ASGR2: variants seen among roughly 807,000 people sequenced by gnomAD.
The protein encoded by ASGR2 is C-type lectin domain family 4 member H2.
Under a neutral mutation model 32.3 loss-of-function variants are expected in ASGR2, and 34 were observed. That is an observed-to-expected ratio of 1.05 (90% CI 0.80 to 1.40). The LOEUF is 1.40. ASGR2 is among the 40% of genes most tolerant of loss of function. ASGR2 has a pLI of 0.00. For missense variants in ASGR2, 385 were observed against 386.4 expected, an observed-to-expected ratio of 1.00 and a Z score of 0.03; for synonymous variants, 143 against 150.0, an observed-to-expected ratio of 0.95 and a Z score of 0.34.
intron 2 of ASGR2, 115 bp from the exon 3 acceptor site, chr17:7,109,003 TG>T (rs147076472): frequency 0.033 from 11,913 of 357,392 alleles, 159 homozygotes; most frequent in African/African-American, 0.054. Context: ...GTTGGGGCCA[TG>T]GGGGGGGGTC....
intron 2 of ASGR2, among the ~76,000 whole-genome samples, chr17:7,112,326 T>A (rs986457341): frequency 4.6e-5 from 7 of 151,500 alleles, no homozygotes; most frequent in Non-Finnish European, 1.0e-4. Context: ...CATGATGACG[T>A]TCCCCCAGCC....
chr17:7,114,504 G>A lies in ASGR2; in HGVS notation c.-71+111C>T, dbSNP rs1422068771. On this transcript the variant is annotated intron_variant, in intron 1 of 8. Transcript: ENST00000691900. The surrounding 1 kb of genome is among the most constrained non-coding windows in gnomAD (Gnocchi z 4.5). ...ACCTGGCCAGGAGACCCCTCCCCACGCTCATGGACCCGACCACCCACAGCT... is the reference window on the plus strand; with the variant it reads ...ACCTGGCCAGGAGACCCCTCCCCACACTCATGGACCCGACCACCCACAGCT... 8 of 1,295,598 alleles carry A rather than the reference G, an allele frequency of 6.2e-6. No homozygotes were observed. Among genetic ancestry groups the A allele is most frequent in the Admixed American group, 7.1e-5 (2 of 28,234 alleles). The allele number at this position is 1,295,598 out of a possible 1,614,324, so 80.3% of individuals were successfully genotyped here.
In ASGR2 at chr17:7,101,800, C is replaced by T. The variant is rs147980422; in HGVS notation, c.756-60G>A. On this transcript the variant is annotated intron_variant, in intron 8 of 8. Transcript: ENST00000691900. ...GGTGGTGAGAAAGCGACTTACCCATCCTCCTCCTCTTCATGACCATTTTCC... is the reference window on the plus strand; with the variant it reads ...GGTGGTGAGAAAGCGACTTACCCATTCTCCTCCTCTTCATGACCATTTTCC... The T allele has an allele frequency of 1.1e-3, 1,762 of 1,574,004 alleles. 6 individuals are homozygous for T. The African/African-American group carries it at 0.012, about 11-fold the overall frequency.
Position 7,107,422 on chromosome 17 carries a change from G to T in ASGR2, c.410-105C>A. On this transcript the variant is annotated intron_variant, in intron 5 of 8. Coordinates refer to ENST00000691900, the MANE Select transcript of ASGR2 (RefSeq NM_001201352.2). The surrounding 1 kb of genome is among the most constrained non-coding windows in gnomAD (Gnocchi z 5.0). ...ATACACCCACAGACACGTACACCATGCATAGACCACACCACACACCATACC... is the reference window on the plus strand; with the variant it reads ...ATACACCCACAGACACGTACACCATTCATAGACCACACCACACACCATACC... 8.6e-7 allele frequency: 1 copy of T among 1,158,370 alleles called. No individual in the cohort carries two copies. The highest frequency in any genetic ancestry group is 1.2e-6 in the Non-Finnish European group (1 of 802,978). The allele number at this position is 1,158,370 out of a possible 1,614,324, so 71.8% of individuals were successfully genotyped here. A position where few individuals can be genotyped will look rare whatever the true frequency, so the allele number is the denominator to read the frequency against.
intron 7 of ASGR2, among the ~76,000 whole-genome samples, chr17:7,104,975 CAAAA>C (rs58174053): frequency 4.7e-5 from 6 of 127,822 alleles, no homozygotes; most frequent in Non-Finnish European, 8.4e-5. Flanking sequence ...GACTCCATCT[CAAAA>C]AAAAAAAAAA....
intron 8 of ASGR2, 94 bp downstream of exon 8, chr17:7,101,996 T>C: frequency 7.7e-7 from 1 of 1,297,472 alleles, no homozygotes; most frequent in South Asian, 1.2e-5. Context: ...GGGAATTTGG[T>C]CCCTGAGGGA....
Position 7,114,586 on chromosome 17 carries a change from G to A in ASGR2, c.-71+29C>T, listed in dbSNP as rs542950667. On this transcript the variant is annotated intron_variant, in intron 1 of 8. Coordinates refer to ENST00000691900, the MANE Select transcript of ASGR2 (RefSeq NM_001201352.2). The surrounding 1 kb of genome is among the most constrained non-coding windows in gnomAD (Gnocchi z 4.5). ...GGCCTCCTTGTTCCCAAGCATCCTC[G>A]TCCCAGTTGCCTCCCCAGCCTCAGT... 5.2e-5 allele frequency: 57 copies of A among 1,086,468 alleles called. No individual in the cohort carries two copies. The African/African-American group carries it at 8.1e-4, about 15-fold the overall frequency. The allele number at this position is 1,086,468 out of a possible 1,614,324, so 67.3% of individuals were successfully genotyped here. A position where few individuals can be genotyped will look rare whatever the true frequency, so the allele number is the denominator to read the frequency against.
In ASGR2 at chr17:7,108,939, G is replaced by A. The variant is rs1914252680; in HGVS notation, c.125-51C>T. On this transcript the variant is annotated intron_variant, in intron 2 of 8. Coordinates refer to ENST00000691900, the MANE Select transcript of ASGR2 (RefSeq NM_001201352.2). This position sits in a 1 kb window ranked among gnomAD's most constrained non-coding sequence, Gnocchi z 4.9. ...GGCAGCCTGGGTGTGGGGAGCCGGA[G>A]GGTAAAGACAGGGCACCGAAGCCTG... The A allele has an allele frequency of 6.5e-7, 1 of 1,544,390 alleles. No homozygotes were observed. Among genetic ancestry groups the A allele is most frequent in the Non-Finnish European group, 8.7e-7 (1 of 1,143,848 alleles).
In ASGR2 at chr17:7,108,693, C is replaced by T. The variant is rs1356406655; in HGVS notation, c.241+79G>A. The T allele has an allele frequency of 8.1e-6, 13 of 1,609,970 alleles. No individual in the cohort carries two copies. The highest frequency in any genetic ancestry group is 5.0e-5 in the Admixed American group (3 of 59,884). ...CCGCCTCCATCCCTTCCCCTCCCAT[C>T]GCCCCGATCGCTGCCCGCCACTGCC... is the stretch of plus-strand genomic sequence containing the variant. On this transcript the variant is annotated intron_variant, in intron 3 of 8. Transcript: ENST00000691900. This position sits in a 1 kb window ranked among gnomAD's most constrained non-coding sequence, Gnocchi z 4.9.
chr17:7,105,725 C>A (rs1432582185), intron 7 of ASGR2, among the ~76,000 whole-genome samples: 1 of 151,986 alleles, frequency 6.6e-6, no homozygotes, highest in Non-Finnish European at 1.5e-5. Flanking sequence ...ATACCTTAAG[C>A]TTAGCTGCCC....
At chr17:7,101,761 TCGGACTCTGCCA>T (rs1157753696) in intron 8 of ASGR2, 21 bp from the exon 9 acceptor site, 6 of 1,609,960 alleles carry the variant, frequency 3.7e-6, no homozygotes, top group Non-Finnish European at 5.1e-6. Context: ...AAGAGAAAAC[TCGGACTCTGCCA>T]CGGTGGTGAG....
intron 2 of ASGR2, among the ~76,000 whole-genome samples, chr17:7,112,547 T>G (rs1376564837): frequency 6.6e-6 from 1 of 152,182 alleles, no homozygotes; most frequent in East Asian, 1.9e-4. Context: ...GAGTGTTCAC[T>G]ATGTACCGGG....
At chr17:7,104,881 C>G (rs575210289) in intron 7 of ASGR2, among the ~76,000 whole-genome samples, 36 of 150,634 alleles carry the variant, frequency 2.4e-4, no homozygotes, top group African/African-American at 7.6e-4. Context: ...GATACTAAGA[C>G]AGGAGAATTG....
At chr17:7,112,509 A>T (rs1285095276) in intron 2 of ASGR2, among the ~76,000 whole-genome samples, 1 of 152,154 alleles carries the variant, frequency 6.6e-6, no homozygotes, top group Non-Finnish European at 1.5e-5. Flanking sequence ...CACCCTCAGA[A>T]GATTCAGCAG....
In ASGR2 at chr17:7,107,677, C is replaced by T; in HGVS notation, c.409+159G>A. ...CCACACACAGATCCATGACATATCA[C>T]ACCACACATACGGAGAGAGACACAG... On this transcript the variant is annotated intron_variant, in intron 5 of 8. Coordinates refer to ENST00000691900, the MANE Select transcript of ASGR2 (RefSeq NM_001201352.2). The surrounding 1 kb of genome is among the most constrained non-coding windows in gnomAD (Gnocchi z 5.0). 1 of 921,794 alleles carries T rather than the reference C, an allele frequency of 1.1e-6. No individual in the cohort carries two copies. The highest frequency in any genetic ancestry group is 1.7e-6 in the Non-Finnish European group (1 of 596,876). 57.1% of individuals were successfully genotyped at this position (921,794 alleles called of 1,614,324 possible). A position where few individuals can be genotyped will look rare whatever the true frequency, so the allele number is the denominator to read the frequency against.
chr17:7,107,957 A>G lies in ASGR2; in HGVS notation c.338-50T>C. On this transcript the variant is annotated intron_variant, in intron 4 of 8. Coordinates refer to ENST00000691900, the MANE Select transcript of ASGR2 (RefSeq NM_001201352.2). This position sits in a 1 kb window ranked among gnomAD's most constrained non-coding sequence, Gnocchi z 5.0. Reference sequence around the variant, plus strand: ...CCCCGCTGAGCCTCCCTCCGTCCTCATGCTGCTGGGGGACCGGGGGCCAGC... The same window carrying G: ...CCCCGCTGAGCCTCCCTCCGTCCTCGTGCTGCTGGGGGACCGGGGGCCAGC... The G allele has an allele frequency of 6.2e-7, 1 of 1,607,162 alleles. No homozygotes were observed. Among genetic ancestry groups the G allele is most frequent in the Non-Finnish European group, 8.5e-7 (1 of 1,176,302 alleles).
intron 2 of ASGR2, among the ~76,000 whole-genome samples, chr17:7,109,133 A>T (rs1190430637): frequency 1.3e-5 from 2 of 151,692 alleles, no homozygotes; most frequent in Non-Finnish European, 2.9e-5. Flanking sequence ...ACCCATGCAC[A>T]CGACTCAGGA....
rs1915238885 is a variant in ASGR2 at position 7,114,571 on chromosome 17, T to TTCCCAAGCATCCTCGTCCCAGTTGCC, written c.-71+18_-71+43dup. 2.7e-6 allele frequency: 3 copies of TTCCCAAGCATCCTCGTCCCAGTTGCC among 1,100,656 alleles called. No individual in the cohort carries two copies. The highest frequency in any genetic ancestry group is 3.3e-6 in the Non-Finnish European group (3 of 901,034). The allele number at this position is 1,100,656 out of a possible 1,614,324, so 68.2% of individuals were successfully genotyped here. On this transcript the variant is annotated intron_variant, in intron 1 of 8. Coordinates refer to ENST00000691900, the MANE Select transcript of ASGR2 (RefSeq NM_001201352.2). This position sits in a 1 kb window ranked among gnomAD's most constrained non-coding sequence, Gnocchi z 4.5. ...CCATCCCTGAACCAAGGCCTCCTTGTTCCCAAGCATCCTCGTCCCAGTTGC... is the reference window on the plus strand; with the variant it reads ...CCATCCCTGAACCAAGGCCTCCTTGTTCCCAAGCATCCTCGTCCCAGTTGCCTCCCAAGCATCCTCGTCCCAGTTGC...
chr17:7,104,050 AC>A (rs1913242449), intron 7 of ASGR2, among the ~76,000 whole-genome samples: 1 of 149,388 alleles, frequency 6.7e-6, no homozygotes, highest in Admixed American at 6.6e-5. Context: ...AGTTTGAGCT[AC>A]ATACTAAAAA....
Sources: gnomAD v4.1 joint callset for allele counts (sites outside exome capture counted in the v4.1 genomes callset) on GRCh38, gnomAD v4.1.1 for gene constraint, Gnocchi (gnomAD v3.1) non-coding constraint, MANE v1.5 for transcripts, NCBI Gene and HGNC (gene_info 2026-07-23, HGNC 2026-07-21) for gene names.